Variants in LRRC28 observed in about 807,000 individuals in gnomAD.
LRRC28 encodes the protein leucine rich repeat containing 28.
In LRRC28, 39 loss-of-function variants were observed where a neutral mutation model predicts 45.7. The observed-to-expected ratio is 0.85, with a 90% CI of 0.66 to 1.12. The LOEUF (loss-of-function observed/expected upper bound fraction) is 1.12. Among genes scored for constraint, LRRC28 ranks in the 50% most tolerant of loss-of-function variants. LRRC28 has a pLI of 0.00. For synonymous variants in LRRC28, 206 were observed against 178.8 expected (o/e 1.15, Z -1.22); for missense variants, 435 against 438.5 (o/e 0.99, Z 0.07).
intron 9 of LRRC28, among the ~76,000 whole-genome samples, chr15:99,380,185 G>A (rs1957774669): frequency 6.6e-6 from 1 of 152,132 alleles, no homozygotes; most frequent in South Asian, 2.1e-4. Context: ...ACTCTTTCTA[G>A]GTCTGTAAGT....
At chr15:99,351,864 A>G (rs1428967424) in intron 6 of LRRC28, among the ~76,000 whole-genome samples, 1 of 152,226 alleles carries the variant, frequency 6.6e-6, no homozygotes, top group African/African-American at 2.4e-5. Flanking sequence ...AACGTGGGCA[A>G]GTAGGAATTT....
At chr15:99,287,979 T>G (rs941869738) in intron 5 of LRRC28, 28 bp downstream of exon 5, 13 of 1,580,900 alleles carry the variant, frequency 8.2e-6, no homozygotes, top group Non-Finnish European at 1.1e-5. Context: ...CACACTATAG[T>G]TTCTTGTCTA....
chr15:99,319,415 G>T lies in LRRC28; in HGVS notation c.386-14508G>T, dbSNP rs562238022. Reference sequence around the variant, plus strand: ...TGTACAGACACAAAGCGATAACAAAGATGCTAACTTTTAGAATAAATGCTT... The same window carrying T: ...TGTACAGACACAAAGCGATAACAAATATGCTAACTTTTAGAATAAATGCTT... On this transcript the variant is annotated intron_variant, in intron 5 of 9. Coordinates refer to ENST00000301981, the MANE Select transcript of LRRC28 (RefSeq NM_144598.5). Among the ~76,000 whole-genome samples, 3 of 152,274 alleles carry T rather than the reference G, an allele frequency of 2.0e-5. No individual in the cohort carries two copies. In the South Asian group the frequency reaches 6.2e-4, roughly 32 times the overall value.
At chr15:99,276,483 C>T (rs2081619680) in intron 2 of LRRC28, 93 bp from the exon 3 acceptor site, 1 of 911,538 alleles carries the variant, frequency 1.1e-6, no homozygotes, top group South Asian at 1.9e-5. Flanking sequence ...AAATTTACAC[C>T]CCTCAAAAAG....
chr15:99,259,121 C>T (rs2081115037), intron 2 of LRRC28: 11 of 1,325,590 alleles, frequency 8.3e-6, no homozygotes, highest in Admixed American at 1.7e-5. Flanking sequence ...CCACTCGAAT[C>T]GAACATGTCT....
At chr15:99,365,745 T>G (rs1957321628) in intron 9 of LRRC28, among the ~76,000 whole-genome samples, 1 of 152,240 alleles carries the variant, frequency 6.6e-6, no homozygotes, top group Non-Finnish European at 1.5e-5. Context: ...TATTGAATAT[T>G]CTTCTAAAAT....
intron 7 of LRRC28, chr15:99,361,112 C>G (rs964906767): frequency 1.7e-5 from 7 of 418,740 alleles, no homozygotes; most frequent in African/African-American, 1.4e-4. Flanking sequence ...CTGGAAGTGA[C>G]TGGGCCTCAG....
chr15:99,251,814 C>G (rs2080804906), intron 1 of LRRC28: 1 of 152,276 alleles, frequency 6.6e-6, no homozygotes, highest in African/African-American at 2.4e-5. Flanking sequence ...ATCTCAGTGG[C>G]TGGCTAACTC....
chr15:99,346,563 G>C (rs573048953), intron 6 of LRRC28, among the ~76,000 whole-genome samples: 2 of 152,226 alleles, frequency 1.3e-5, no homozygotes, highest in Non-Finnish European at 1.5e-5. Context: ...AAGGCAAAAG[G>C]AAAAATGTGC....
At chr15:99,253,243 C>A (rs926525653) in intron 1 of LRRC28, among the ~76,000 whole-genome samples, 1 of 152,062 alleles carries the variant, frequency 6.6e-6, no homozygotes, top group African/African-American at 2.4e-5. Flanking sequence ...GCCTCAGTCT[C>A]CCGAGTAGCT....
At chr15:99,295,077 T>G (rs1333093842) in intron 5 of LRRC28, among the ~76,000 whole-genome samples, 1 of 152,218 alleles carries the variant, frequency 6.6e-6, no homozygotes, top group Admixed American at 6.5e-5. Flanking sequence ...TTGCTTCATA[T>G]GTTTTTGAGT....
Position 99,287,273 on chromosome 15 carries a change from A to G in LRRC28, c.226A>G (p.Asn76Asp). Residue 76 changes from asparagine (N) to aspartate (D), a missense_variant, in exon 4 of 10, where the codon AAC becomes GAC. By Grantham distance (23) the Asn-to-Asp change is conservative (BLOSUM62 1). Transcript: ENST00000301981. ...CCTTCCTAGATACCTGCACTCAAAT[A>G]ACATAGTTGTGGTTCCGGAAGGTAT... is the stretch of plus-strand genomic sequence containing the variant. ...NLVELYLHSN[N>D]IVVVPEAIGS... 6.4e-7 allele frequency: 1 copy of G among 1,571,306 alleles called. No homozygotes were observed. Among genetic ancestry groups the G allele is most frequent in the Non-Finnish European group, 8.6e-7 (1 of 1,161,960 alleles).
chr15:99,280,098 T>C (rs1339756905), intron 3 of LRRC28, among the ~76,000 whole-genome samples: 1 of 152,172 alleles, frequency 6.6e-6, no homozygotes, highest in Non-Finnish European at 1.5e-5. Context: ...AATTTGTCAT[T>C]GGCATCTTTT....
chr15:99,285,388 A>C, intron 3 of LRRC28: 1 of 744,066 alleles, frequency 1.3e-6, no homozygotes, highest in Non-Finnish European at 2.5e-6. Flanking sequence ...CCTCCTCCGC[A>C]GTGGTATAGT....
chr15:99,271,685 C>G (rs1366262669), intron 2 of LRRC28, among the ~76,000 whole-genome samples: 1 of 152,222 alleles, frequency 6.6e-6, no homozygotes, highest in East Asian at 1.9e-4. Context: ...CAACCTCCCC[C>G]TCCTGGGTTC....
chr15:99,349,703 G>C (rs1473189115), intron 6 of LRRC28, among the ~76,000 whole-genome samples: 4 of 152,128 alleles, frequency 2.6e-5, no homozygotes, highest in African/African-American at 9.7e-5. Context: ...CAATGTCCCT[G>C]ATACGTAAAG....
intron 9 of LRRC28, among the ~76,000 whole-genome samples, chr15:99,372,516 T>A (rs1449824446): frequency 6.6e-6 from 1 of 152,208 alleles, no homozygotes; most frequent in African/African-American, 2.4e-5. Context: ...GATTGGTTGG[T>A]GTACTTGTAA....
intron 5 of LRRC28, among the ~76,000 whole-genome samples, chr15:99,323,788 A>G (rs925200363): frequency 6.6e-6 from 1 of 152,228 alleles, no homozygotes; most frequent in African/African-American, 2.4e-5. Flanking sequence ...ATTGAATTAT[A>G]TGGGATATTT....
intron 5 of LRRC28, chr15:99,333,480 G>A (rs1956221515): frequency 5.8e-6 from 1 of 172,062 alleles, no homozygotes; most frequent in African/African-American, 2.4e-5. Flanking sequence ...ATATGAACAA[G>A]TTGCACTTAC....
Sources: gnomAD v4.1 joint callset for allele counts (sites outside exome capture counted in the v4.1 genomes callset) on GRCh38, gnomAD v4.1.1 for gene constraint, MANE v1.5 for transcripts, NCBI Gene and HGNC (gene_info 2026-07-23, HGNC 2026-07-21) for gene names.